UBAP2: variants seen among roughly 807,000 people sequenced by gnomAD.
The protein encoded by UBAP2 is ubiquitin associated protein 2, also known as ubiquitin-associated protein 2.
A neutral mutation model predicts 139.6 loss-of-function variants in UBAP2; 75 were observed. That is an observed-to-expected ratio of 0.54 (90% CI 0.45 to 0.65). UBAP2 has a LOEUF of 0.65. UBAP2 is among the 30% of genes least tolerant of loss of function. UBAP2 has a pLI of 0.00. For missense variants in UBAP2, 1,368 were observed against 1,369.6 expected (o/e 1.00, Z 0.02); for synonymous variants, 526 against 526.2 (o/e 1.00, Z 0.01).
rs1290371643 is a variant in UBAP2 at position 34,041,193 on chromosome 9, C to G, written c.-42+7632G>C. Among the ~76,000 whole-genome samples, 3 of 152,094 alleles carry G rather than the reference C, an allele frequency of 2.0e-5. No homozygotes were observed. The East Asian group carries it at 5.8e-4, about 29-fold the overall frequency. ...ACGGGCCGGGCACGATGGCTAACAC[C>G]TGTAATCCCGGCACTTTGGGAGGCC... On this transcript the variant is annotated intron_variant, in intron 1 of 28. Coordinates refer to ENST00000379238, the MANE Select transcript of UBAP2 (RefSeq NM_001370062.2).
At chr9:34,004,866 G>A (rs1587646181) in intron 2 of UBAP2, among the ~76,000 whole-genome samples, 1 of 152,118 alleles carries the variant, frequency 6.6e-6, no homozygotes, top group South Asian at 2.1e-4. Flanking sequence ...ACTTTGGGAG[G>A]CTGAGTCAGG....
rs1173625005 is a variant in UBAP2, at chr9:33,969,921, C to CTTTTTTTTTT, written c.679+1720_679+1729dup. The stretch of plus-strand genomic sequence containing the variant: ...GCAAACTTAAATACCGTGTATAATT[C>CTTTTTTTTTT]TTTTTTTTTTTTTTTTTTTTTTTTT... On this transcript the variant is annotated intron_variant, in intron 8 of 28. Coordinates refer to ENST00000379238, the MANE Select transcript of UBAP2 (RefSeq NM_001370062.2). 1.3e-3 allele frequency among the ~76,000 whole-genome samples: 62 copies of CTTTTTTTTTT among 46,182 alleles called. 7 individuals are homozygous for CTTTTTTTTTT. The East Asian group carries it at 0.016, about 12-fold the overall frequency. 30.3% of individuals were successfully genotyped at this position (46,182 alleles called of 152,430 possible). A position where few individuals can be genotyped will look rare whatever the true frequency, so the allele number is the denominator to read the frequency against.
chr9:34,044,803 T>G (rs1221692451), intron 1 of UBAP2, among the ~76,000 whole-genome samples: 3 of 151,394 alleles, frequency 2.0e-5, no homozygotes, highest in Non-Finnish European at 1.5e-5. Flanking sequence ...TGGGCAGAGG[T>G]TGCAGTGGGC....
In UBAP2 at chr9:33,923,929, G is replaced by A. The variant is rs1465164600; in HGVS notation, c.2662C>T (p.Gln888Ter). ...GTGTGGTGGGTCTGTGATTGGCTCT[G>A]CTGTGGCTGAGCTGGTGTGGTAGCG... ...APATTPAQPQ[Q>*]SQSQTHHTAQ... The change falls in exon 24 of 29, where the codon CAG becomes TAG. Residue 888 changes from glutamine (Q) to a stop codon, truncating the protein, a stop_gained. Transcript: ENST00000379238. LOFTEE classifies it high-confidence loss of function. 1 of 1,614,222 alleles carries A rather than the reference G, an allele frequency of 6.2e-7. No homozygotes were observed. The highest frequency in any genetic ancestry group is 8.5e-7 in the Non-Finnish European group (1 of 1,180,036).
intron 1 of UBAP2, among the ~76,000 whole-genome samples, chr9:34,032,849 A>C (rs1826004047): frequency 6.7e-6 from 1 of 150,316 alleles, no homozygotes; most frequent in Non-Finnish European, 1.5e-5. Flanking sequence ...ACTTGAACCT[A>C]GGAGGCAGAG....
rs781392003 is a variant in UBAP2 at position 33,927,907 on chromosome 9, G to A, written c.2261C>T (p.Ser754Leu). ...CATGCTACTGGACAGGCTGGCGCCT[G>A]AGGATGCGGAACTTGAGACGGAGGT... ...AATSVSSSAS[S>L]GASLSSSMNT... The change falls in exon 20 of 29, where the codon TCA becomes TTA. Residue 754 changes from serine (S) to leucine (L), a missense_variant. Physicochemically the swap from Ser to Leu is moderately radical, Grantham distance 145. Coordinates refer to ENST00000379238, the MANE Select transcript of UBAP2 (RefSeq NM_001370062.2). The A allele has an allele frequency of 9.3e-6, 15 of 1,614,124 alleles. No individual in the cohort carries two copies. In the African/African-American group the frequency reaches 1.3e-4, roughly 14 times the overall value.
At chr9:33,955,855 T>C (rs982019179) in intron 11 of UBAP2, among the ~76,000 whole-genome samples, 12 of 151,340 alleles carry the variant, frequency 7.9e-5, no homozygotes, top group Non-Finnish European at 1.3e-4. Flanking sequence ...AAAAAAAGTT[T>C]AACATGATGT....
intron 7 of UBAP2, among the ~76,000 whole-genome samples, chr9:33,972,794 G>A (rs902962072): frequency 6.6e-6 from 1 of 152,096 alleles, no homozygotes; most frequent in African/African-American, 2.4e-5. Flanking sequence ...ACAATGGCTG[G>A]ATTAACTAAA....
chr9:33,944,230 A>G, intron 14 of UBAP2, 135 bp downstream of exon 14: 1 of 1,206,676 alleles, frequency 8.3e-7, no homozygotes, highest in Non-Finnish European at 1.2e-6. Flanking sequence ...AAATGGCCAT[A>G]TCCTTATTAT....
intron 6 of UBAP2, among the ~76,000 whole-genome samples, chr9:33,979,000 G>A (rs1820401987): frequency 6.6e-6 from 1 of 152,164 alleles, no homozygotes; most frequent in African/African-American, 2.4e-5. Context: ...TGCTTTAGGA[G>A]GCCAAGGGAG....
At chr9:34,026,086 T>C (rs565019679) in intron 1 of UBAP2, among the ~76,000 whole-genome samples, 86 of 152,314 alleles carry the variant, frequency 5.6e-4, no homozygotes, top group African/African-American at 2.0e-3. Flanking sequence ...CTAAAAACCA[T>C]GTATATACCC....
intron 5 of UBAP2, 129 bp from the exon 6 acceptor site, chr9:33,986,966 CA>C (rs1483522192): frequency 1.2e-6 from 1 of 829,382 alleles, no homozygotes; most frequent in Non-Finnish European, 2.0e-6. Context: ...GGTTCAAAAA[CA>C]GGAAAAACAA....
intron 2 of UBAP2, among the ~76,000 whole-genome samples, chr9:34,013,663 G>A (rs775427916): frequency 6.6e-6 from 1 of 151,246 alleles, no homozygotes; most frequent in Non-Finnish European, 1.5e-5. Context: ...GATCACCTGA[G>A]GTCAGAAGTT....
At chr9:34,003,191 C>A (rs1822875230) in intron 2 of UBAP2, among the ~76,000 whole-genome samples, 1 of 151,372 alleles carries the variant, frequency 6.6e-6, no homozygotes, top group Non-Finnish European at 1.5e-5. Flanking sequence ...TGCCACCACG[C>A]CCTGCTAATT....
chr9:34,011,999 A>ATT (rs397688134), intron 2 of UBAP2, among the ~76,000 whole-genome samples: 2 of 151,874 alleles, frequency 1.3e-5, no homozygotes, highest in Non-Finnish European at 2.9e-5. Flanking sequence ...GATAAACATT[A>ATT]ACAGTCTACT....
At chr9:34,030,362 T>C (rs1325418221) in intron 1 of UBAP2, among the ~76,000 whole-genome samples, 1 of 151,042 alleles carries the variant, frequency 6.6e-6, no homozygotes, top group Non-Finnish European at 1.5e-5. Context: ...GGCAGGAGAA[T>C]GGCGTGAACC....
chr9:34,008,954 A>G (rs1482542248), intron 2 of UBAP2, among the ~76,000 whole-genome samples: 3 of 104,590 alleles, frequency 2.9e-5, no homozygotes, highest in African/African-American at 1.1e-4. Context: ...ACACAGCGAG[A>G]CTGTCTCAAA....
At chr9:33,983,964 T>G (rs1225868432) in intron 6 of UBAP2, among the ~76,000 whole-genome samples, 1 of 151,024 alleles carries the variant, frequency 6.6e-6, no homozygotes, top group African/African-American at 2.4e-5. Flanking sequence ...CAGGCTAGAG[T>G]GCAATGGTAC....
chr9:33,932,278 C>G (rs770769929), intron 19 of UBAP2, among the ~76,000 whole-genome samples: 2 of 152,108 alleles, frequency 1.3e-5, no homozygotes, highest in African/African-American at 2.4e-5. Context: ...AAAGATCAAA[C>G]AGCAAATTCC....
Sources: gnomAD v4.1 joint callset for allele counts (sites outside exome capture counted in the v4.1 genomes callset) on GRCh38, gnomAD v4.1.1 for gene constraint, MANE v1.5 for transcripts, NCBI Gene and HGNC (gene_info 2026-07-23, HGNC 2026-07-21) for gene names.